Variants in ERC2 observed in about 807,000 individuals in gnomAD.
ERC2 encodes the protein ELKS/RAB6-interacting/CAST family member 2.
ERC2 carries 42 observed loss-of-function variants against 114.8 expected under a neutral mutation model. The observed-to-expected ratio is 0.37, with a 90% CI of 0.29 to 0.47. The LOEUF is 0.47. Ranked by LOEUF, ERC2 falls within the 20% of genes least tolerant of loss-of-function variation. The pLI is 0.99. For missense variants in ERC2, 939 were observed against 1,150.7 expected, an observed-to-expected ratio of 0.82 and a Z score of 2.66; for synonymous variants, 454 against 425.5, an observed-to-expected ratio of 1.07 and a Z score of -0.82.
At chr3:55,847,526 T>TCTAC (rs2061416408) in intron 14 of ERC2, among the ~76,000 whole-genome samples, 1 of 152,158 alleles carries the variant, frequency 6.6e-6, no homozygotes, top group African/African-American at 2.4e-5. Flanking sequence ...GCTCCACAGC[T>TCTAC]ATTAAAAACA....
intron 2 of ERC2, among the ~76,000 whole-genome samples, chr3:56,414,785 T>C (rs1286260502): frequency 6.6e-6 from 1 of 151,702 alleles, no homozygotes; most frequent in Non-Finnish European, 1.5e-5. Flanking sequence ...TCTCTCTCTC[T>C]CCCTCTCTGT....
chr3:55,599,270 C>T (rs2058291953), intron 17 of ERC2, among the ~76,000 whole-genome samples: 1 of 152,200 alleles, frequency 6.6e-6, no homozygotes, highest in Non-Finnish European at 1.5e-5. Context: ...GTAAGCACTA[C>T]TCTGCTCCTC....
At chr3:56,271,112 A>G (rs1400554173) in intron 3 of ERC2, among the ~76,000 whole-genome samples, 1 of 152,252 alleles carries the variant, frequency 6.6e-6, no homozygotes, top group East Asian at 1.9e-4. Flanking sequence ...ACAGGTAACA[A>G]TGCCAAGGAA....
At chr3:55,855,383 G>A (rs944409185) in intron 14 of ERC2, among the ~76,000 whole-genome samples, 23 of 152,288 alleles carry the variant, frequency 1.5e-4, no homozygotes, top group African/African-American at 5.1e-4. Context: ...GATTTACAAC[G>A]CTGTTCACTT....
At chr3:56,232,618 C>T (rs1216708689) in intron 3 of ERC2, among the ~76,000 whole-genome samples, 2 of 152,206 alleles carry the variant, frequency 1.3e-5, no homozygotes, top group Non-Finnish European at 2.9e-5. Flanking sequence ...AGATAAAATG[C>T]TCAACCAGCA....
intron 2 of ERC2, among the ~76,000 whole-genome samples, chr3:56,305,695 C>G (rs1373555130): frequency 6.6e-6 from 1 of 152,236 alleles, no homozygotes; most frequent in Non-Finnish European, 1.5e-5. Flanking sequence ...CATATCCTCA[C>G]CCAGAAATTT....
At chr3:56,144,067 C>A (rs919663907) in intron 5 of ERC2, among the ~76,000 whole-genome samples, 2 of 152,176 alleles carry the variant, frequency 1.3e-5, no homozygotes, top group Non-Finnish European at 2.9e-5. Context: ...AAACAAAAAA[C>A]GGTCTTGAGA....
intron 6 of ERC2, among the ~76,000 whole-genome samples, chr3:56,100,940 G>A (rs990834697): frequency 7.9e-5 from 12 of 152,122 alleles, no homozygotes; most frequent in African/African-American, 2.9e-4. Flanking sequence ...ACCTCTAACA[G>A]TTGTCCTCAA....
chr3:55,818,841 G>A (rs2149146318), intron 14 of ERC2, among the ~76,000 whole-genome samples: 1 of 152,368 alleles, frequency 6.6e-6, no homozygotes, highest in South Asian at 2.1e-4. Flanking sequence ...TGGATTCAGA[G>A]AAGGAATACG....
intron 2 of ERC2, among the ~76,000 whole-genome samples, chr3:56,301,845 G>A (rs1267038175): frequency 1.3e-5 from 2 of 152,070 alleles, no homozygotes; most frequent in Admixed American, 1.3e-4. Context: ...TTTGTAAAAG[G>A]AGGAGAGTAG....
intron 2 of ERC2, among the ~76,000 whole-genome samples, chr3:56,401,564 A>T (rs1413619606): frequency 6.6e-6 from 1 of 152,184 alleles, no homozygotes; most frequent in Non-Finnish European, 1.5e-5. Flanking sequence ...TTTCATTCCA[A>T]ATTTCAATGA....
At chr3:55,697,953 A>T (rs777717907) in intron 16 of ERC2, among the ~76,000 whole-genome samples, 27 of 152,164 alleles carry the variant, frequency 1.8e-4, no homozygotes, top group Non-Finnish European at 3.5e-4. Context: ...TGCCAGGTCT[A>T]CTGGAGCAGG....
chr3:56,292,763 T>G (rs1413497433), intron 3 of ERC2, among the ~76,000 whole-genome samples: 1 of 152,140 alleles, frequency 6.6e-6, no homozygotes, highest in African/African-American at 2.4e-5. Context: ...AGCACCTACC[T>G]CCTAGGCCAT....
intron 15 of ERC2, among the ~76,000 whole-genome samples, chr3:55,717,203 T>C (rs2064175593): frequency 6.6e-6 from 1 of 152,202 alleles, no homozygotes; most frequent in Non-Finnish European, 1.5e-5. Context: ...CAGCCAGAAA[T>C]AACCCAGAGA....
intron 13 of ERC2, among the ~76,000 whole-genome samples, chr3:55,947,010 G>A (rs1023439280): frequency 6.6e-6 from 1 of 152,222 alleles, no homozygotes; most frequent in Non-Finnish European, 1.5e-5. Context: ...AGGCCATGCA[G>A]CAGAGGCCGC....
At chr3:56,090,334 T>C (rs1238329050) in intron 6 of ERC2, among the ~76,000 whole-genome samples, 2 of 152,214 alleles carry the variant, frequency 1.3e-5, no homozygotes, top group African/African-American at 4.8e-5. Flanking sequence ...GTAGTTAACC[T>C]TTTTATAAGC....
chr3:55,687,911 G>T (rs2062419540), intron 16 of ERC2, among the ~76,000 whole-genome samples: 2 of 152,206 alleles, frequency 1.3e-5, no homozygotes, highest in Non-Finnish European at 2.9e-5. Flanking sequence ...GCAAATGTGG[G>T]GCACCGAGCC....
At chr3:56,140,946 C>T (rs1264891741) in intron 5 of ERC2, among the ~76,000 whole-genome samples, 1 of 152,148 alleles carries the variant, frequency 6.6e-6, no homozygotes, top group Admixed American at 6.5e-5. Flanking sequence ...ATCACTTGAA[C>T]CTGAGAGGCA....
intron 13 of ERC2, among the ~76,000 whole-genome samples, chr3:55,894,519 G>C (rs1042146057): frequency 1.1e-4 from 16 of 152,104 alleles, no homozygotes; most frequent in African/African-American, 3.6e-4. Flanking sequence ...GGGCTTCTAC[G>C]TGTACCCATC....
Sources: allele counts gnomAD v4.1 joint callset (sites outside exome capture counted in the v4.1 genomes callset), GRCh38; gene constraint gnomAD v4.1.1; transcripts MANE v1.5; gene names NCBI Gene and HGNC (gene_info 2026-07-23, HGNC 2026-07-21).